Variants in THSD7A observed in about 807,000 individuals in gnomAD.
The protein encoded by THSD7A is thrombospondin type-1 domain-containing protein 7A.
In THSD7A, 96 loss-of-function variants were observed where a neutral mutation model predicts 231.3. The ratio of observed to expected loss-of-function variants is 0.41; its 90% confidence interval spans 0.35 to 0.49. The LOEUF is 0.49. THSD7A is among the 20% of genes least tolerant of loss of function. THSD7A has a pLI of 0.05. For missense variants in THSD7A, 2,290 were observed against 2,070.2 expected, an observed-to-expected ratio of 1.11 and a Z score of -2.06; for synonymous variants, 940 against 743.3, an observed-to-expected ratio of 1.26 and a Z score of -4.30.
At chr7:11,466,421 A>G (rs955757440) in intron 9 of THSD7A, among the ~76,000 whole-genome samples, 34 of 152,126 alleles carry the variant, frequency 2.2e-4, no homozygotes, top group African/African-American at 7.7e-4. Context: ...AGCTTTCTGT[A>G]ACACCATTGT....
At position 11,593,474 on chromosome 7, in the gene THSD7A, T is replaced by C. The variant is rs1780245063; in HGVS notation, c.1051A>G (p.Thr351Ala). Residue 351 changes from threonine to alanine, a missense_variant, in exon 3 of 28, where the codon ACC (threonine) becomes GCC (alanine). Thr to Ala is a moderately conservative substitution (Grantham distance 58, BLOSUM62 0). Coordinates refer to ENST00000423059, the MANE Select transcript of THSD7A (RefSeq NM_015204.3). Reference sequence around the variant, plus strand: ...TTGGTGATCACACAGGACTGGAAGGTCATTGGAAGCTTCTCTTGCTGGCAA... The same window carrying C: ...TTGGTGATCACACAGGACTGGAAGGCCATTGGAAGCTTCTCTTGCTGGCAA... The part of the protein sequence containing the change: ...SFCQQEKLPM[T>A]FQSCVITKEC... The C allele has an allele frequency of 2.5e-6, 4 of 1,613,768 alleles. No individual in the cohort carries two copies. The South Asian group carries it at 4.4e-5, about 18-fold the overall frequency.
chr7:11,472,640 C>T (rs1226319462), intron 8 of THSD7A, among the ~76,000 whole-genome samples: 1 of 152,152 alleles, frequency 6.6e-6, no homozygotes, highest in African/African-American at 2.4e-5. Context: ...TCACATGGGG[C>T]TTCAGGATAC....
chr7:11,651,519 C>CTATCTATT (rs1554260068), intron 1 of THSD7A, among the ~76,000 whole-genome samples: 2 of 141,446 alleles, frequency 1.4e-5, no homozygotes, highest in African/African-American at 5.0e-5. Context: ...ATCTATCTAT[C>CTATCTATT]TATCTAGCAC....
chr7:11,605,710 G>C (rs1487486060), intron 2 of THSD7A, among the ~76,000 whole-genome samples: 1 of 152,014 alleles, frequency 6.6e-6, no homozygotes, highest in Non-Finnish European at 1.5e-5. Flanking sequence ...CCACATATTA[G>C]GCAGTTTACC....
chr7:11,616,037 A>G (rs933007419), intron 2 of THSD7A, among the ~76,000 whole-genome samples: 4 of 152,222 alleles, frequency 2.6e-5, no homozygotes, highest in South Asian at 2.1e-4. Flanking sequence ...AAATTTTTAT[A>G]TATTACTAAT....
At chr7:11,787,833 T>C (rs561928728) in intron 1 of THSD7A, among the ~76,000 whole-genome samples, 68 of 152,136 alleles carry the variant, frequency 4.5e-4, no homozygotes, top group African/African-American at 1.6e-3. Flanking sequence ...CTCTGGAAGA[T>C]AGATGGACAC....
chr7:11,747,629 A>G (rs1257851584), intron 1 of THSD7A, among the ~76,000 whole-genome samples: 1 of 151,902 alleles, frequency 6.6e-6, no homozygotes, highest in Non-Finnish European at 1.5e-5. Flanking sequence ...CTCTACCTGT[A>G]AAAAAATGAC....
intron 2 of THSD7A, among the ~76,000 whole-genome samples, chr7:11,617,249 C>A (rs545110851): frequency 6.6e-6 from 1 of 152,302 alleles, no homozygotes; most frequent in African/African-American, 2.4e-5. Context: ...ACATGCATAA[C>A]ATACACACAT....
chr7:11,417,750 T>A, intron 16 of THSD7A, 147 bp from the exon 17 acceptor site: 2 of 748,394 alleles, frequency 2.7e-6, no homozygotes, highest in Non-Finnish European at 4.1e-6. Context: ...CTTTGTTATC[T>A]AATAAAATTC....
intron 1 of THSD7A, among the ~76,000 whole-genome samples, chr7:11,734,554 A>G (rs1526539): frequency 0.27 from 40,559 of 151,838 alleles, 6,386 homozygotes; most frequent in African/African-American, 0.44. Flanking sequence ...TAGCACCTCC[A>G]TAATTAATTC....
rs546611902 is a variant in THSD7A, at chr7:11,752,136, G to A, written c.190+79621C>T. 4.6e-5 allele frequency among the ~76,000 whole-genome samples: 7 copies of A among 152,180 alleles called. No homozygotes were observed. The South Asian group carries it at 1.4e-3, about 32-fold the overall frequency. ...AGCTGGCGATTTCTGGTCAGATCAT[G>A]AGGCACCTATGGCCTTGTTTACTAC... On this transcript the variant is annotated intron_variant, in intron 1 of 27. Transcript: ENST00000423059.
At chr7:11,685,703 T>G (rs927941049) in intron 1 of THSD7A, among the ~76,000 whole-genome samples, 1 of 151,882 alleles carries the variant, frequency 6.6e-6, no homozygotes, top group Admixed American at 6.6e-5. Context: ...ATGGCTATTA[T>G]TAGAAAGTCA....
intron 2 of THSD7A, among the ~76,000 whole-genome samples, chr7:11,609,427 C>T (rs973787954): frequency 1.3e-5 from 2 of 151,964 alleles, no homozygotes; most frequent in Admixed American, 6.6e-5. Context: ...CTGGGAGGAC[C>T]CACTTTAACA....
chr7:11,781,437 C>G (rs1023600813), intron 1 of THSD7A, among the ~76,000 whole-genome samples: 1 of 151,972 alleles, frequency 6.6e-6, no homozygotes, highest in Non-Finnish European at 1.5e-5. Context: ...CAGAACAAGA[C>G]CCTGTCTCAA....
chr7:11,406,665 A>G lies in THSD7A; in HGVS notation c.4063-191T>C, dbSNP rs114222809. On this transcript the variant is annotated intron_variant, in intron 21 of 27. Transcript: ENST00000423059. This position sits in a 1 kb window ranked among gnomAD's most constrained non-coding sequence, Gnocchi z 4.7. ...TGAACAATTTGTTTCCTAGCTAAAG[A>G]CAGGAAAATAAATTTTCATTAAAAT... Among the ~76,000 whole-genome samples, 829 of 152,326 alleles carry G rather than the reference A, an allele frequency of 5.4e-3. 9 individuals are homozygous for G. The highest frequency in any genetic ancestry group is 0.019 in the African/African-American group (798 of 41,566).
chr7:11,621,986 AAAG>A (rs1781324913), intron 2 of THSD7A, among the ~76,000 whole-genome samples: 1 of 152,152 alleles, frequency 6.6e-6, no homozygotes, highest in African/African-American at 2.4e-5. Flanking sequence ...AGGATGTATT[AAAG>A]ATAACGTCAT....
chr7:11,816,114 G>A (rs1784693972), intron 1 of THSD7A, among the ~76,000 whole-genome samples: 1 of 151,984 alleles, frequency 6.6e-6, no homozygotes, highest in Non-Finnish European at 1.5e-5. Flanking sequence ...TTCTATTTTT[G>A]TAATAAGTTC....
At chr7:11,631,571 G>C (rs1471452511) in intron 2 of THSD7A, among the ~76,000 whole-genome samples, 4 of 152,066 alleles carry the variant, frequency 2.6e-5, no homozygotes, top group African/African-American at 4.8e-5. Flanking sequence ...TGATTTTATA[G>C]ATAGTAAAGG....
chr7:11,530,412 T>C (rs1788655813), intron 6 of THSD7A, among the ~76,000 whole-genome samples: 1 of 152,088 alleles, frequency 6.6e-6, no homozygotes, highest in Non-Finnish European at 1.5e-5. Context: ...TGTTTAGGGA[T>C]AAAAGAAAGG....
Sources: allele counts gnomAD v4.1 joint callset (sites outside exome capture counted in the v4.1 genomes callset), GRCh38; gene constraint gnomAD v4.1.1; non-coding constraint Gnocchi (gnomAD v3.1); transcripts MANE v1.5; gene names NCBI Gene and HGNC (gene_info 2026-07-23, HGNC 2026-07-21).